EVC2: variants seen among roughly 807,000 people sequenced by gnomAD.
EVC2 encodes limbin.
Under a neutral mutation model 149.3 loss-of-function variants are expected in EVC2, and 148 were observed. The ratio of observed to expected loss-of-function variants is 0.99; its 90% CI spans 0.87 to 1.14. The LOEUF (loss-of-function observed/expected upper bound fraction) is 1.14. Among genes scored for constraint, EVC2 ranks in the 50% most tolerant of loss-of-function variants. The pLI, the probability that EVC2 is intolerant of heterozygous loss-of-function variation, is 0.00. For missense variants in EVC2, 1,854 were observed against 1,627.3 expected, an observed-to-expected ratio of 1.14 and a Z score of -2.40; for synonymous variants, 776 against 649.9, an observed-to-expected ratio of 1.19 and a Z score of -2.95.
intron 21 of EVC2, among the ~76,000 whole-genome samples, chr4:5,545,349 C>T (rs1307035712): frequency 3.3e-5 from 5 of 152,140 alleles, no homozygotes; most frequent in East Asian, 3.8e-4. Flanking sequence ...CACAGGCTTC[C>T]GAGTCAGACA....
At chr4:5,706,663 G>T (rs947121853) in intron 1 of EVC2, among the ~76,000 whole-genome samples, 5 of 152,014 alleles carry the variant, frequency 3.3e-5, no homozygotes, top group Non-Finnish European at 5.9e-5. Flanking sequence ...CCACAAGAGG[G>T]AGTGGCCAAG....
At chr4:5,629,970 A>G (rs1351491865) in intron 11 of EVC2, among the ~76,000 whole-genome samples, 3 of 152,208 alleles carry the variant, frequency 2.0e-5, no homozygotes, top group South Asian at 2.1e-4. Context: ...TCACAATAGC[A>G]TGCATTCTTT....
intron 13 of EVC2, among the ~76,000 whole-genome samples, chr4:5,624,422 G>A (rs1030414524): frequency 1.3e-5 from 2 of 152,180 alleles, no homozygotes; most frequent in Non-Finnish European, 2.9e-5. Flanking sequence ...GGTAACCAGA[G>A]AGAATCAATT....
At chr4:5,598,749 CA>C (rs1292685883) in intron 16 of EVC2, among the ~76,000 whole-genome samples, 13 of 152,164 alleles carry the variant, frequency 8.5e-5, no homozygotes, top group Non-Finnish European at 1.8e-4. Context: ...AGCTTCTGCA[CA>C]ACAAAAGAAA....
chr4:5,591,558 C>G (rs1414872856), intron 16 of EVC2, among the ~76,000 whole-genome samples: 2 of 152,102 alleles, frequency 1.3e-5, no homozygotes, highest in Non-Finnish European at 2.9e-5. Flanking sequence ...TAAGGAAAAG[C>G]TAAAGATTTA....
rs1286746861 is a variant in EVC2 at position 5,615,355 on chromosome 4, G to A, written c.2829+67C>T. 5 of 1,610,654 alleles carry A rather than the reference G, an allele frequency of 3.1e-6. No homozygotes were observed. The East Asian group carries it at 8.9e-5, about 29-fold the overall frequency. ...CCAAGGGCTCTGTGTGCCTGCAAATGTGTCAGCTATCAGAGCAGCCCCGCC... is the reference window on the plus strand; with the variant it reads ...CCAAGGGCTCTGTGTGCCTGCAAATATGTCAGCTATCAGAGCAGCCCCGCC... On this transcript the variant is annotated intron_variant, in intron 16 of 21. Transcript: ENST00000344408.
At chr4:5,564,330 T>C (rs1467376870) in intron 21 of EVC2, among the ~76,000 whole-genome samples, 1 of 152,238 alleles carries the variant, frequency 6.6e-6, no homozygotes, top group Admixed American at 6.5e-5. Context: ...CTAGGAATGT[T>C]CCTAATGGAA....
At position 5,697,663 on chromosome 4, in the gene EVC2, C is replaced by A. The variant is rs1721567343; in HGVS notation, c.229-16G>T. Reference sequence around the variant, plus strand: ...AGGGCAAGTCCTAAAAAATTCAAGACACAAAGTCATTAATGGAACACATAC... The same window carrying A: ...AGGGCAAGTCCTAAAAAATTCAAGAAACAAAGTCATTAATGGAACACATAC... On this transcript the variant is annotated splice_polypyrimidine_tract_variant and intron_variant, in intron 1 of 21. Transcript: ENST00000344408. 2 of 1,612,420 alleles carry A rather than the reference C, an allele frequency of 1.2e-6. No homozygotes were observed. Among genetic ancestry groups the A allele is most frequent in the African/African-American group, 2.7e-5 (2 of 74,824 alleles).
At position 5,694,460 on chromosome 4, in the gene EVC2, C is replaced by T. The variant is rs544879562; in HGVS notation, c.325G>A (p.Val109Ile). 1 of 1,614,210 alleles carries T rather than the reference C, an allele frequency of 6.2e-7. No homozygotes were observed. The highest frequency in any genetic ancestry group is 2.2e-5 in the East Asian group (1 of 44,882). ...GCAGAAGTTGAGAGTGGGATGAAGA[C>T]TTCCATTTTCTTGTCCAATTTCATT... ...LGMKLDKKMEVFIPLSTSAAS... is the reference protein window; with the variant it reads ...LGMKLDKKMEIFIPLSTSAAS... Residue 109 changes from valine to isoleucine, a missense_variant, in exon 3 of 22, where the codon GTC (valine) becomes ATC (isoleucine). By Grantham distance (29) the Val-to-Ile change is conservative (BLOSUM62 3). Coordinates refer to ENST00000344408, the MANE Select transcript of EVC2 (RefSeq NM_147127.5).
intron 7 of EVC2, among the ~76,000 whole-genome samples, chr4:5,666,939 T>C (rs1163563918): frequency 6.6e-6 from 1 of 152,192 alleles, no homozygotes; most frequent in Non-Finnish European, 1.5e-5. Flanking sequence ...ATGGCTAAAA[T>C]AACTTTCCCT....
chr4:5,642,721 C>T (rs1044946275), intron 9 of EVC2, among the ~76,000 whole-genome samples: 1 of 152,206 alleles, frequency 6.6e-6, no homozygotes, highest in African/African-American at 2.4e-5. Flanking sequence ...AGGATCCTCA[C>T]ATTTAGCCCC....
intron 9 of EVC2, among the ~76,000 whole-genome samples, chr4:5,644,184 A>G (rs2108868980): frequency 6.6e-6 from 1 of 152,140 alleles, no homozygotes; most frequent in South Asian, 2.1e-4. Flanking sequence ...ACCTCTCTCT[A>G]TCCTCTGTAT....
At chr4:5,649,124 G>C (rs907410597) in intron 9 of EVC2, among the ~76,000 whole-genome samples, 1 of 152,202 alleles carries the variant, frequency 6.6e-6, no homozygotes, top group African/African-American at 2.4e-5. Flanking sequence ...TACACATGCT[G>C]GGCTCTGAGT....
At position 5,677,467 on chromosome 4, in the gene EVC2, G is replaced by A. The variant is rs562949709; in HGVS notation, c.870+3793C>T. ...CTGGTGTGGCTGAAATCCAGCCCCAGCTCCACGGCCAGGACTTGCATCCAC... is the reference window on the plus strand; with the variant it reads ...CTGGTGTGGCTGAAATCCAGCCCCAACTCCACGGCCAGGACTTGCATCCAC... On this transcript the variant is annotated intron_variant, in intron 7 of 21. Transcript: ENST00000344408. This position sits in a 1 kb window ranked among gnomAD's most constrained non-coding sequence, Gnocchi z 4.3. Among the ~76,000 whole-genome samples the A allele has an allele frequency of 7.3e-4, 111 of 152,284 alleles. No individual in the cohort carries two copies. The highest frequency in any genetic ancestry group is 2.2e-4 in the Non-Finnish European group (15 of 68,008).
intron 9 of EVC2, among the ~76,000 whole-genome samples, chr4:5,662,001 T>C (rs1718907018): frequency 6.6e-6 from 1 of 152,196 alleles, no homozygotes; most frequent in African/African-American, 2.4e-5. Flanking sequence ...ATGTTAATAT[T>C]CATTAACTAC....
At chr4:5,533,488 T>A in the EVC2 span, among the ~76,000 whole-genome samples, 1 of 152,144 alleles carries the variant, frequency 6.6e-6, no homozygotes, top group Non-Finnish European at 1.5e-5. Flanking sequence ...GGAACGTGGC[T>A]TTTTCTCTGC....
rs1464658108 is a variant in EVC2, at chr4:5,708,312, C to T, written c.202G>A (p.Gly68Arg). The change falls in exon 1 of 22, where the codon GGG becomes AGG. Residue 68 changes from glycine to arginine, a missense_variant. Gly to Arg is a moderately radical substitution (Grantham distance 125, BLOSUM62 -2). Transcript: ENST00000344408. ...TGCGTGCTGCTCTCGGGCCCCGCCC[C>T]GCTCCGCCCCGGAGGGATCCTCAGG... ...PGLRIPPGRS[G>R]AGPESSTQDL... is the part of the protein sequence containing the mutation. 2.7e-6 allele frequency: 4 copies of T among 1,464,136 alleles called. No homozygotes were observed. Among genetic ancestry groups the T allele is most frequent in the East Asian group, 2.9e-5 (1 of 35,046 alleles). 90.7% of individuals were successfully genotyped at this position (1,464,136 alleles called of 1,614,324 possible).
chr4:5,606,184 G>A (rs1371919917), intron 16 of EVC2, among the ~76,000 whole-genome samples: 2 of 152,156 alleles, frequency 1.3e-5, no homozygotes, highest in Admixed American at 1.3e-4. Flanking sequence ...GTGCAGCCTT[G>A]CAGACCTCAT....
chr4:5,559,168 A>G (rs1721893331), downstream of EVC2, among the ~76,000 whole-genome samples: 1 of 152,276 alleles, frequency 6.6e-6, no homozygotes, highest in African/African-American at 2.4e-5. This position sits in a 1 kb window ranked among gnomAD's most constrained non-coding sequence, Gnocchi z 5.0. Flanking sequence ...GTGATTGTAC[A>G]CTGCACTCCA....
Sources: allele counts gnomAD v4.1 joint callset (sites outside exome capture counted in the v4.1 genomes callset), GRCh38; gene constraint gnomAD v4.1.1; non-coding constraint Gnocchi (gnomAD v3.1); transcripts MANE v1.5; gene names NCBI Gene and HGNC (gene_info 2026-07-23, HGNC 2026-07-21).